KREMEN1: variants seen among roughly 807,000 people sequenced by gnomAD.
KREMEN1 encodes the protein kremen protein 1.
In KREMEN1, 30 loss-of-function variants were observed where a neutral mutation model predicts 46.5. That is an observed-to-expected ratio of 0.65 (90% confidence interval 0.48 to 0.88). The LOEUF is 0.88. Among genes scored for constraint, KREMEN1 ranks in the 40% least tolerant of loss-of-function variants. KREMEN1 has a pLI of 0.00. For synonymous variants in KREMEN1, 214 were observed against 230.6 expected (o/e 0.93, Z 0.65); for missense variants, 533 against 596.9 (o/e 0.89, Z 1.11).
chr22:29,096,150 T>C (rs2037879550), intron 2 of KREMEN1, among the ~76,000 whole-genome samples: 1 of 152,246 alleles, frequency 6.6e-6, no homozygotes, highest in Admixed American at 6.5e-5. Context: ...CCATTTTTTA[T>C]TACCTTCCCC....
chr22:29,138,705 G>A lies in KREMEN1; in HGVS notation c.1046G>A (p.Ser349Asn), dbSNP rs2038709926. The A allele has an allele frequency of 6.2e-7, 1 of 1,614,208 alleles. No homozygotes were observed. The highest frequency in any genetic ancestry group is 8.5e-7 in the Non-Finnish European group (1 of 1,180,048). Residue 349 changes from serine (S) to asparagine (N), a missense_variant, in exon 7 of 9, where the codon AGT (serine) becomes AAT (asparagine). Transcript: ENST00000400335. ...AEVITEQANL[S>N]VSAARSSKVL... ...GTGATCACGGAGCAGGCCAACCTCA[G>A]TGTCAGCGCTGCCCGGTCCTCCAAA...
At chr22:29,125,631 A>C (rs879928789) in intron 5 of KREMEN1, among the ~76,000 whole-genome samples, 2 of 152,206 alleles carry the variant, frequency 1.3e-5, no homozygotes, top group Admixed American at 1.3e-4. Flanking sequence ...GATTAGCTAC[A>C]GTCATGCCAA....
chr22:29,124,492 CTT>C (rs376062297), intron 4 of KREMEN1, among the ~76,000 whole-genome samples: 2 of 143,628 alleles, frequency 1.4e-5, no homozygotes, highest in Admixed American at 7.0e-5. Flanking sequence ...TTGCACAAAT[CTT>C]TTTTTTTTTT....
chr22:29,089,135 T>C (rs1197551550), intron 1 of KREMEN1, among the ~76,000 whole-genome samples: 1 of 152,204 alleles, frequency 6.6e-6, no homozygotes, highest in African/African-American at 2.4e-5. Context: ...ACCATATTTC[T>C]AGCTTTAGCC....
In KREMEN1 at chr22:29,121,351, C is replaced by T. The variant is rs1556010480; in HGVS notation, c.353-6C>T. 4 of 1,611,864 alleles carry T rather than the reference C, an allele frequency of 2.5e-6. No individual in the cohort carries two copies. In the East Asian group the frequency reaches 6.7e-5, roughly 27 times the overall value. ...CGAAATTCTTTTGTTTTTCTTTTTT[C>T]TTTAGTGCCTGGAAACCTTGGCTGC... On this transcript the variant is annotated splice_polypyrimidine_tract_variant and splice_region_variant and intron_variant, in intron 3 of 8. Transcript: ENST00000400335.
At chr22:29,082,472 G>C (rs139534119) in intron 1 of KREMEN1, among the ~76,000 whole-genome samples, 3 of 152,098 alleles carry the variant, frequency 2.0e-5, no homozygotes, top group Non-Finnish European at 4.4e-5. Context: ...CTTCTCATAG[G>C]TATTGCTAGG....
At chr22:29,138,961 T>A (rs1027044385) in intron 7 of KREMEN1, 179 bp downstream of exon 7, 2 of 890,436 alleles carry the variant, frequency 2.2e-6, no homozygotes, top group Non-Finnish European at 3.5e-6. Flanking sequence ...ATTAGCTTGG[T>A]TCCTTAGTCC....
chr22:29,157,618 G>C (rs1230480180), intron 9 of KREMEN1, among the ~76,000 whole-genome samples: 1 of 152,216 alleles, frequency 6.6e-6, no homozygotes, highest in Non-Finnish European at 1.5e-5. Context: ...GATTACAGGT[G>C]TGAGCCACCA....
chr22:29,151,065 T>C (rs2038911384), downstream of KREMEN1, among the ~76,000 whole-genome samples: 1 of 150,562 alleles, frequency 6.6e-6, no homozygotes, highest in East Asian at 2.0e-4. Flanking sequence ...GTGGATCGAT[T>C]TTCCTGGGTC....
At chr22:29,107,684 G>C (rs2038083285) in intron 3 of KREMEN1, among the ~76,000 whole-genome samples, 1 of 151,990 alleles carries the variant, frequency 6.6e-6, no homozygotes. Context: ...AGGAGTTCAA[G>C]ACTAGCCTGG....
intron 1 of KREMEN1, among the ~76,000 whole-genome samples, chr22:29,084,230 G>A (rs529351011): frequency 2.0e-5 from 3 of 152,014 alleles, no homozygotes; most frequent in Non-Finnish European, 4.4e-5. Flanking sequence ...GGGGGTTTTG[G>A]CTGGCTTCTT....
At chr22:29,121,572 TAAGCCAGAC>T in intron 4 of KREMEN1, 91 bp downstream of exon 4, 1 of 1,405,592 alleles carries the variant, frequency 7.1e-7, no homozygotes, top group South Asian at 1.2e-5. Flanking sequence ...CTAAGTAAAA[TAAGCCAGAC>T]ACAAAAGGCC....
At chr22:29,152,527 G>A (rs991464343) in intron 9 of KREMEN1, among the ~76,000 whole-genome samples, 17 of 152,134 alleles carry the variant, frequency 1.1e-4, no homozygotes, top group African/African-American at 3.4e-4. Context: ...CCTGTGAGAC[G>A]GGCGAGGCCT....
intron 5 of KREMEN1, among the ~76,000 whole-genome samples, chr22:29,130,001 T>C (rs1327865524): frequency 6.6e-6 from 1 of 152,208 alleles, no homozygotes; most frequent in Admixed American, 6.5e-5. Flanking sequence ...GGCTAGCCTG[T>C]TGGGACTCCC....
chr22:29,161,303 C>G (rs192357006), intron 9 of KREMEN1, among the ~76,000 whole-genome samples: 17 of 151,550 alleles, frequency 1.1e-4, no homozygotes, highest in Middle Eastern at 3.4e-3. Flanking sequence ...GTCAGGAGAT[C>G]GAGACCATCC....
chr22:29,125,223 C>T, intron 4 of KREMEN1, 40 bp from the exon 5 acceptor site: 7 of 1,605,238 alleles, frequency 4.4e-6, no homozygotes, highest in Non-Finnish European at 6.0e-6. Context: ...TCTGACATCC[C>T]TGATGATGCT....
At chr22:29,131,560 A>ATATATATATG (rs1240832937) in intron 5 of KREMEN1, among the ~76,000 whole-genome samples, 15 of 69,924 alleles carry the variant, frequency 2.1e-4, no homozygotes, top group Admixed American at 4.5e-4. Flanking sequence ...ATATATATAT[A>ATATATATATG]TGTGTGTGTG....
chr22:29,087,402 A>T (rs2037746107), intron 1 of KREMEN1, among the ~76,000 whole-genome samples: 1 of 152,210 alleles, frequency 6.6e-6, no homozygotes, highest in Non-Finnish European at 1.5e-5. Context: ...CCAAGAATAT[A>T]GAGAAAAATG....
intron 9 of KREMEN1, among the ~76,000 whole-genome samples, chr22:29,164,764 A>AG (rs1230817504): frequency 6.7e-6 from 1 of 150,222 alleles, no homozygotes; most frequent in South Asian, 2.1e-4. Flanking sequence ...AAACAAAAAA[A>AG]AAAACCCAAA....
Sources: allele counts gnomAD v4.1 joint callset (sites outside exome capture counted in the v4.1 genomes callset), GRCh38; gene constraint gnomAD v4.1.1; transcripts MANE v1.5; gene names NCBI Gene and HGNC (gene_info 2026-07-23, HGNC 2026-07-21).